Variants in CHD9 observed in about 807,000 individuals in gnomAD.
CHD9 encodes the protein ATP-dependent chromatin remodeler CHD9.
Under a neutral mutation model 316.1 loss-of-function variants are expected in CHD9, and 77 were observed. The ratio of observed to expected loss-of-function variants is 0.24; its 90% confidence interval spans 0.20 to 0.29. The LOEUF is 0.29. Among genes scored for constraint, CHD9 ranks in the 10% least tolerant of loss-of-function variants. The pLI, the probability that CHD9 is intolerant of heterozygous loss-of-function variation, is 1.00. For missense variants in CHD9, 2,763 were observed against 3,438.1 expected, an observed-to-expected ratio of 0.80 and a Z score of 4.91; for synonymous variants, 1,129 against 1,158.3, an observed-to-expected ratio of 0.97 and a Z score of 0.51.
At chr16:53,101,273 C>CTTTTTTTTT (rs1012377760) in intron 1 of CHD9, among the ~76,000 whole-genome samples, 2 of 124,856 alleles carry the variant, frequency 1.6e-5, no homozygotes, top group Non-Finnish European at 3.3e-5. Context: ...TTTTCCTTTT[C>CTTTTTTTTT]TTTTTTTTTT....
chr16:53,068,381 T>C (rs2033712417), intron 1 of CHD9, among the ~76,000 whole-genome samples: 1 of 152,164 alleles, frequency 6.6e-6, no homozygotes, highest in African/African-American at 2.4e-5. Flanking sequence ...CGAGTTGCAT[T>C]CTCACTGGTC....
chr16:53,118,957 A>T (rs1206089221), intron 1 of CHD9, among the ~76,000 whole-genome samples: 1 of 151,942 alleles, frequency 6.6e-6, no homozygotes, highest in Admixed American at 6.6e-5. Context: ...CATGCCTACT[A>T]ACTTTTGTAT....
At chr16:53,319,053 TAG>T (rs2057083444) in intron 37 of CHD9, among the ~76,000 whole-genome samples, 1 of 152,230 alleles carries the variant, frequency 6.6e-6, no homozygotes, top group Admixed American at 6.5e-5. Context: ...TTTTCAGAAA[TAG>T]ACTTACATAG....
intron 5 of CHD9, 112 bp from the exon 6 acceptor site, chr16:53,227,284 A>G (rs1396186110): frequency 4.1e-5 from 27 of 660,718 alleles, no homozygotes; most frequent in Non-Finnish European, 1.3e-5. Flanking sequence ...TGTCTAGCAT[A>G]TATGCTGTAT....
intron 1 of CHD9, among the ~76,000 whole-genome samples, chr16:53,104,102 A>T (rs1288389564): frequency 6.6e-6 from 1 of 152,094 alleles, no homozygotes; most frequent in East Asian, 1.9e-4. Context: ...GGCCAGGGGA[A>T]TTTTTCTAAA....
At chr16:53,197,582 A>G (rs949037310) in intron 2 of CHD9, among the ~76,000 whole-genome samples, 6 of 151,886 alleles carry the variant, frequency 4.0e-5, no homozygotes, top group Non-Finnish European at 8.8e-5. Flanking sequence ...ACTTTTTTGT[A>G]GTATCTTAAA....
chr16:53,228,515 A>G (rs1597526274), intron 7 of CHD9, among the ~76,000 whole-genome samples: 2 of 132,864 alleles, frequency 1.5e-5, no homozygotes, highest in South Asian at 4.9e-4. Context: ...TTTCCAACTT[A>G]TCTTTGTACC....
At chr16:53,125,039 T>C (rs948592183) in intron 1 of CHD9, among the ~76,000 whole-genome samples, 4 of 152,218 alleles carry the variant, frequency 2.6e-5, no homozygotes, top group Non-Finnish European at 5.9e-5. Flanking sequence ...CATCTTTTCA[T>C]GTGCATATTG....
Position 53,321,576 on chromosome 16 carries a change from A to C in CHD9, c.7764A>C (p.Lys2588Asn). ...TGAAAGATTTATGTAGATTCCTAAA[A>C]GAAAATTCAGAATATGGAGTAGCTC... ...PPLKDLCRFL[K>N]ENSEYGVAPE... Residue 2588 changes from lysine to asparagine, a missense_variant, in exon 38 of 39, where the codon AAA (lysine) becomes AAC (asparagine). Transcript: ENST00000447540. The C allele has an allele frequency of 6.4e-7, 1 of 1,554,594 alleles. No individual in the cohort carries two copies. The highest frequency in any genetic ancestry group is 8.7e-7 in the Non-Finnish European group (1 of 1,145,102).
chr16:53,098,186 T>A (rs1378523587), intron 1 of CHD9, among the ~76,000 whole-genome samples: 3 of 151,952 alleles, frequency 2.0e-5, no homozygotes, highest in African/African-American at 7.3e-5. Context: ...GTAGAAAAGC[T>A]GGGAGGCAGA....
At chr16:53,228,595 C>T (rs186781956) in intron 7 of CHD9, among the ~76,000 whole-genome samples, 265 of 139,932 alleles carry the variant, frequency 1.9e-3, no homozygotes, top group Admixed American at 3.3e-3. Flanking sequence ...GGCCGGACTG[C>T]GGACTGCAGT....
At chr16:53,217,242 A>C (rs1041111444) in intron 3 of CHD9, among the ~76,000 whole-genome samples, 3 of 152,092 alleles carry the variant, frequency 2.0e-5, no homozygotes, top group Non-Finnish European at 4.4e-5. Flanking sequence ...GCATTTTCTC[A>C]TAAAGAATCT....
chr16:53,302,349 T>C lies in CHD9; in HGVS notation c.5714-1371T>C, dbSNP rs184637732. ...AGCCATGTATCCCTCAATTTGAGCT[T>C]GTCTTATGTTGTTACATGACTGGAT... On this transcript the variant is annotated intron_variant, in intron 30 of 38. Coordinates refer to ENST00000447540, the MANE Select transcript of CHD9 (RefSeq NM_001308319.2). Among the ~76,000 whole-genome samples the C allele has an allele frequency of 3.2e-4, 48 of 152,328 alleles. No individual in the cohort carries two copies. The East Asian group carries it at 5.6e-3, about 18-fold the overall frequency.
intron 1 of CHD9, among the ~76,000 whole-genome samples, chr16:53,129,599 A>G (rs886281698): frequency 6.6e-6 from 1 of 152,244 alleles, no homozygotes; most frequent in African/African-American, 2.4e-5. Context: ...CTAGGCATAA[A>G]CAAGCGCAGT....
Position 53,121,344 on chromosome 16 carries a change from A to G in CHD9, c.-164-34582A>G, listed in dbSNP as rs1242582282. On this transcript the variant is annotated intron_variant, in intron 1 of 38. Coordinates refer to ENST00000447540, the MANE Select transcript of CHD9 (RefSeq NM_001308319.2). ...GCTTATGTTACCCAAAGAGAAACAG[A>G]TGCACAAAGAGAAGGAATGAGATGC... 5 of 455,984 alleles carry G rather than the reference A, an allele frequency of 1.1e-5. No individual in the cohort carries two copies. The East Asian group carries it at 3.5e-4, about 32-fold the overall frequency. 28.2% of individuals were successfully genotyped at this position (455,984 alleles called of 1,614,324 possible). A position where few individuals can be genotyped will look rare whatever the true frequency, so the allele number is the denominator to read the frequency against.
At chr16:53,138,015 T>G (rs952228431) in intron 1 of CHD9, among the ~76,000 whole-genome samples, 15 of 152,070 alleles carry the variant, frequency 9.9e-5, no homozygotes, top group African/African-American at 3.6e-4. Context: ...TACTTTGAAA[T>G]AAGTTCCTGG....
chr16:53,157,070 C>G lies in CHD9; in HGVS notation c.981C>G (p.Asn327Lys), dbSNP rs770457802. The change falls in exon 2 of 39, where the codon AAC becomes AAG. Residue 327 changes from asparagine to lysine, a missense_variant. Asn to Lys is a moderately conservative substitution (Grantham distance 94). This residue lies in a region of CHD9 where 859 missense variants were observed against 890.4 expected (regional missense o/e 0.96). Coordinates refer to ENST00000447540, the MANE Select transcript of CHD9 (RefSeq NM_001308319.2). ...IKQESTQHIL[N>K]PNTSLNSNNF... ...AAGAATCTACTCAGCATATCCTAAA[C>G]CCCAATACATCATTGAATTCAAATA... 4.5e-5 allele frequency: 73 copies of G among 1,612,922 alleles called. No individual in the cohort carries two copies. Among genetic ancestry groups the G allele is most frequent in the Non-Finnish European group, 5.8e-5 (68 of 1,179,602 alleles).
At chr16:53,308,138 AAT>A (rs968972810) in intron 33 of CHD9, among the ~76,000 whole-genome samples, 185 bp downstream of exon 33, 3 of 152,176 alleles carry the variant, frequency 2.0e-5, no homozygotes, top group African/African-American at 7.2e-5. Context: ...ATCGTCATTA[AAT>A]ATGTTTTTCT....
chr16:53,286,601 A>G (rs1378167224), intron 26 of CHD9, among the ~76,000 whole-genome samples: 12 of 152,146 alleles, frequency 7.9e-5, no homozygotes, highest in Admixed American at 6.5e-4. Context: ...TATCATGGCC[A>G]CTGAGTTCAT....
Sources: allele counts gnomAD v4.1 joint callset (sites outside exome capture counted in the v4.1 genomes callset), GRCh38; gene constraint gnomAD v4.1.1; regional missense constraint gnomAD v4.1.1; transcripts MANE v1.5; gene names NCBI Gene and HGNC (gene_info 2026-07-23, HGNC 2026-07-21).